The following SNRPB variants were observed in gnomAD, a reference collection of about 807,000 sequenced individuals.
SNRPB encodes the protein small nuclear ribonucleoprotein polypeptides B and B1, also known as small nuclear ribonucleoprotein-associated proteins B and B'.
Under a neutral mutation model 26.6 loss-of-function variants are expected in SNRPB, and 5 were observed. That is an observed-to-expected ratio of 0.19 (90% CI 0.10 to 0.39). SNRPB has a LOEUF of 0.39. SNRPB is among the 10% of genes least tolerant of loss of function. The pLI is 1.00. For synonymous variants in SNRPB, 122 were observed against 105.8 expected (o/e 1.15, Z -0.94); for missense variants, 211 against 311.9 (o/e 0.68, Z 2.44).
intron 3 of SNRPB, among the ~76,000 whole-genome samples, chr20:2,465,390 C>CTTTT (rs1222595485): frequency 0.022 from 2,652 of 122,148 alleles, 82 homozygotes; most frequent in African/African-American, 0.075. Context: ...AGGGTAACCT[C>CTTTT]TTTTTTTTTT....
intron 1 of SNRPB, among the ~76,000 whole-genome samples, chr20:2,470,054 T>C (rs1055036326): frequency 5.9e-5 from 9 of 152,222 alleles, no homozygotes; most frequent in African/African-American, 2.2e-4. Flanking sequence ...ATGACCACAC[T>C]GAATTATATT....
intron 2 of SNRPB, among the ~76,000 whole-genome samples, chr20:2,466,780 C>T (rs775120417): frequency 5.9e-5 from 9 of 152,154 alleles, no homozygotes; most frequent in South Asian, 2.1e-4. Flanking sequence ...AGTAGCTCCA[C>T]GCTCATCTGT....
At position 2,463,910 on chromosome 20, in the gene SNRPB, A is replaced by C; in HGVS notation, c.268-11T>G. 6.2e-7 allele frequency: 1 copy of C among 1,611,142 alleles called. No homozygotes were observed. On this transcript the variant is annotated splice_polypyrimidine_tract_variant and intron_variant, in intron 3 of 6. Coordinates refer to ENST00000381342, the MANE Select transcript of SNRPB (RefSeq NM_003091.4). The surrounding 1 kb of genome is among the most constrained non-coding windows in gnomAD (Gnocchi z 5.0). ...TCGAGCAATACCAGTCTGAAAAATA[A>C]ACAAATATGCTCTGATGCCCAGTGA...
intron 6 of SNRPB, 135 bp downstream of exon 6, chr20:2,462,501 C>T (rs2085042061): frequency 1.1e-6 from 1 of 879,916 alleles, no homozygotes; most frequent in Non-Finnish European, 1.9e-6. Context: ...GTTCCCTCTT[C>T]TCTTTCCTTT....
intron 1 of SNRPB, 136 bp downstream of exon 1, chr20:2,470,552 C>G: frequency 9.4e-7 from 1 of 1,065,406 alleles, no homozygotes; most frequent in East Asian, 2.5e-5. Context: ...TCTTTCCCGC[C>G]CAGACCGAGC....
intron 1 of SNRPB, among the ~76,000 whole-genome samples, chr20:2,469,756 A>T (rs2085100139): frequency 6.6e-6 from 1 of 152,180 alleles, no homozygotes; most frequent in Non-Finnish European, 1.5e-5. Flanking sequence ...ACTGAGGTAA[A>T]ATTAACATGC....
rs755530057 is a variant in SNRPB at position 2,470,731 on chromosome 20, T to G, written c.-41A>C. On this transcript the variant is annotated 5_prime_UTR_variant, in exon 1 of 7. Coordinates refer to ENST00000381342, the MANE Select transcript of SNRPB (RefSeq NM_003091.4). ...GGCTCTGATACCCGCCGGATTCGCCTCCTCAGAGGCCTAGCCTCTCTCCCA... is the reference window on the plus strand; with the variant it reads ...GGCTCTGATACCCGCCGGATTCGCCGCCTCAGAGGCCTAGCCTCTCTCCCA... 2.5e-6 allele frequency: 4 copies of G among 1,611,060 alleles called. No homozygotes were observed. In the South Asian group the frequency reaches 3.3e-5, roughly 13 times the overall value.
intron 2 of SNRPB, 92 bp downstream of exon 2, chr20:2,467,515 C>A (rs1156612673): frequency 2.5e-6 from 3 of 1,208,074 alleles, no homozygotes; most frequent in African/African-American, 1.5e-5. Flanking sequence ...CAGAGAAGAA[C>A]CAACTAGCTA....
chr20:2,468,818 C>T (rs560928712), intron 1 of SNRPB, among the ~76,000 whole-genome samples: 3 of 152,246 alleles, frequency 2.0e-5, no homozygotes, highest in South Asian at 2.1e-4. Flanking sequence ...CCCAGCTACT[C>T]GGGAGACTGA....
chr20:2,470,783 G>T lies in SNRPB; in HGVS notation c.-93C>A. On this transcript the variant is annotated 5_prime_UTR_variant, in exon 1 of 7. Transcript: ENST00000381342. ...AGCCGATTTCCCGCCGCCGCTACCG[G>T]AAATGCAGCACCACGTAAAATGCGG... 1 of 1,487,518 alleles carries T rather than the reference G, an allele frequency of 6.7e-7. No individual in the cohort carries two copies. The highest frequency in any genetic ancestry group is 9.3e-7 in the Non-Finnish European group (1 of 1,072,412). The allele number at this position is 1,487,518 out of a possible 1,614,324, so 92.1% of individuals were successfully genotyped here. A position where few individuals can be genotyped will look rare whatever the true frequency, so the allele number is the denominator to read the frequency against.
chr20:2,470,148 C>T (rs1463184370), intron 1 of SNRPB, among the ~76,000 whole-genome samples: 1 of 152,226 alleles, frequency 6.6e-6, no homozygotes, highest in Non-Finnish European at 1.5e-5. Context: ...CACAGGCAAA[C>T]ACGGAAACGT....
chr20:2,465,273 C>CA (rs1052692583), intron 3 of SNRPB, among the ~76,000 whole-genome samples: 33 of 152,192 alleles, frequency 2.2e-4, no homozygotes, highest in African/African-American at 7.7e-4. Context: ...CAGATGGCTT[C>CA]AGGTGCTTCC....
Position 2,463,327 on chromosome 20 carries a change from C to G in SNRPB, c.421-100G>C, listed in dbSNP as rs1287419362. The G allele has an allele frequency of 2.3e-6, 2 of 887,156 alleles. No homozygotes were observed. Among genetic ancestry groups the G allele is most frequent in the African/African-American group, 1.6e-5 (1 of 61,132 alleles). The allele number at this position is 887,156 out of a possible 1,614,324, so 55.0% of individuals were successfully genotyped here. On this transcript the variant is annotated intron_variant, in intron 4 of 6. Transcript: ENST00000381342. This position sits in a 1 kb window ranked among gnomAD's most constrained non-coding sequence, Gnocchi z 5.0. Reference sequence around the variant, plus strand: ...GAAGGACAGTGGGAAATAACAGACACCAAATCCCTTAATGCTACAACTCTC... The same window carrying G: ...GAAGGACAGTGGGAAATAACAGACAGCAAATCCCTTAATGCTACAACTCTC...
rs749819312 is a variant in SNRPB at position 2,470,658 on chromosome 20, T to C, written c.3+30A>G. On this transcript the variant is annotated intron_variant, in intron 1 of 6. Coordinates refer to ENST00000381342, the MANE Select transcript of SNRPB (RefSeq NM_003091.4). ...CCCACTCCACAACAGACTCGGAAGC[T>C]CCCGCGCCGCCAGCCTGTGCCCTCC... 7 of 1,613,216 alleles carry C rather than the reference T, an allele frequency of 4.3e-6. No individual in the cohort carries two copies. In the East Asian group the frequency reaches 1.1e-4, roughly 26 times the overall value.
rs1180475133 is a variant in SNRPB at position 2,461,926 on chromosome 20, G to C, written c.*3C>G. On this transcript the variant is annotated 3_prime_UTR_variant, in exon 7 of 7. Transcript: ENST00000381342. ...AGCTACTTCCATACTCTGTGGCCAAGGGTCAAAGAAGGCCTGAAGTAAGAG... is the reference window on the plus strand; with the variant it reads ...AGCTACTTCCATACTCTGTGGCCAACGGTCAAAGAAGGCCTGAAGTAAGAG... 2 of 1,612,522 alleles carry C rather than the reference G, an allele frequency of 1.2e-6. No homozygotes were observed. The highest frequency in any genetic ancestry group is 3.3e-5 in the Admixed American group (2 of 59,836).
intron 1 of SNRPB, among the ~76,000 whole-genome samples, chr20:2,469,688 C>T (rs560989520): frequency 2.6e-5 from 4 of 151,956 alleles, no homozygotes; most frequent in Admixed American, 6.6e-5. Flanking sequence ...AGCAAAACTC[C>T]GTCTCAAAAA....
rs1485309699 is a variant in SNRPB at position 2,462,685 on chromosome 20, T to C, written c.636A>G (p.Pro212=). The C allele has an allele frequency of 6.2e-7, 1 of 1,609,000 alleles. No individual in the cohort carries two copies. Among genetic ancestry groups the C allele is most frequent in the South Asian group, 1.1e-5 (1 of 90,878 alleles). ...PMGIPPGRGT[P]MGMPPPGMRP... ...GCATTCCCGGAGGGGGCATGCCCAT[T>C]GGAGTCCCTCTTCCAGGGGGGATCC... The change falls in exon 6 of 7, where the codon CCA becomes CCG. Residue 212 remains proline (P), a synonymous_variant. Transcript: ENST00000381342.
intron 3 of SNRPB, among the ~76,000 whole-genome samples, chr20:2,465,395 T>C (rs1373287405): frequency 9.6e-6 from 1 of 104,642 alleles, no homozygotes; most frequent in South Asian, 3.3e-4. Flanking sequence ...AACCTCTTTT[T>C]TTTTTTTTTG....
chr20:2,462,991 C>G, intron 5 of SNRPB, 98 bp downstream of exon 5: 1 of 1,217,302 alleles, frequency 8.2e-7, no homozygotes. Context: ...CTTAATTATA[C>G]AAACTCATCA....
Sources: allele counts gnomAD v4.1 joint callset (sites outside exome capture counted in the v4.1 genomes callset), GRCh38; gene constraint gnomAD v4.1.1; non-coding constraint Gnocchi (gnomAD v3.1); transcripts MANE v1.5; gene names NCBI Gene and HGNC (gene_info 2026-07-23, HGNC 2026-07-21).